The following SCAF11 variants were observed in gnomAD, a reference collection of about 807,000 sequenced individuals.
SCAF11 encodes the protein SR-related CTD associated factor 11.
A neutral mutation model predicts 140.5 loss-of-function variants in SCAF11; 47 were observed. The ratio of observed to expected loss-of-function variants is 0.33; its 90% CI spans 0.26 to 0.43. SCAF11 has a LOEUF of 0.43. SCAF11 is among the 20% of genes least tolerant of loss of function. SCAF11 has a pLI of 1.00. For synonymous variants in SCAF11, 557 were observed against 579.4 expected (o/e 0.96, Z 0.55); for missense variants, 1,645 against 1,705.1 (o/e 0.96, Z 0.62).
At chr12:45,940,669 A>G (rs1945274444) in intron 6 of SCAF11, among the ~76,000 whole-genome samples, 1 of 152,240 alleles carries the variant, frequency 6.6e-6, no homozygotes, top group Non-Finnish European at 1.5e-5. Context: ...CTAACAGATT[A>G]CTTGGCTTCC....
intron 12 of SCAF11, among the ~76,000 whole-genome samples, chr12:45,923,416 CAAG>C (rs1944763727): frequency 6.6e-6 from 1 of 151,988 alleles, no homozygotes; most frequent in Non-Finnish European, 1.5e-5. Flanking sequence ...ATACTAAACA[CAAG>C]GAGGAGAATA....
At chr12:45,978,699 A>G (rs1380576890) in intron 1 of SCAF11, among the ~76,000 whole-genome samples, 1 of 152,112 alleles carries the variant, frequency 6.6e-6, no homozygotes, top group Non-Finnish European at 1.5e-5. Flanking sequence ...AAACAGGAAA[A>G]CTGTCAACTA....
intron 1 of SCAF11, among the ~76,000 whole-genome samples, chr12:45,987,836 G>A (rs1474187924): frequency 1.3e-5 from 2 of 152,190 alleles, no homozygotes; most frequent in African/African-American, 2.4e-5. Context: ...GTTAAAGACT[G>A]TAGATCAGCA....
At chr12:45,949,138 AACCAGTTAAGG>A (rs1304155366) in intron 4 of SCAF11, among the ~76,000 whole-genome samples, 1 of 152,186 alleles carries the variant, frequency 6.6e-6, no homozygotes, top group Non-Finnish European at 1.5e-5. Context: ...ATGGGGAATC[AACCAGTTAAGG>A]AGAGACTATA....
At chr12:45,978,967 G>C (rs1030669920) in intron 1 of SCAF11, among the ~76,000 whole-genome samples, 1 of 151,884 alleles carries the variant, frequency 6.6e-6, no homozygotes, top group Non-Finnish European at 1.5e-5. Flanking sequence ...TCACACAGTT[G>C]TGGAGGCTAA....
At chr12:45,958,008 TC>T (rs977641783) in intron 3 of SCAF11, among the ~76,000 whole-genome samples, 3 of 150,504 alleles carry the variant, frequency 2.0e-5, no homozygotes, top group Non-Finnish European at 4.4e-5. Context: ...TCCTCCAACC[TC>T]CCCCCATCAG....
At chr12:45,973,025 TATAG>T (rs1264718985) in intron 1 of SCAF11, among the ~76,000 whole-genome samples, 13 of 146,336 alleles carry the variant, frequency 8.9e-5, no homozygotes, top group African/African-American at 3.0e-4. Context: ...TATATAGATA[TATAG>T]ATATAGATAT....
chr12:45,990,892 C>T (rs1397695225), upstream of SCAF11, among the ~76,000 whole-genome samples: 1 of 152,248 alleles, frequency 6.6e-6, no homozygotes, highest in Non-Finnish European at 1.5e-5. Context: ...CCGCCCTTCG[C>T]CCACACTGCG....
upstream of SCAF11, among the ~76,000 whole-genome samples, chr12:45,990,889 T>A (rs752319265): frequency 2.6e-5 from 4 of 152,234 alleles, no homozygotes; most frequent in Non-Finnish European, 5.9e-5. Flanking sequence ...GCACCGCCCT[T>A]CGCCCACACT....
At chr12:45,959,693 A>C (rs1474514352) in intron 3 of SCAF11, among the ~76,000 whole-genome samples, 1 of 152,230 alleles carries the variant, frequency 6.6e-6, no homozygotes, top group African/African-American at 2.4e-5. Flanking sequence ...CAGCAATAAA[A>C]GATTCAAACT....
chr12:45,932,209 G>A (rs1945062067), intron 9 of SCAF11, among the ~76,000 whole-genome samples: 1 of 151,986 alleles, frequency 6.6e-6, no homozygotes, highest in African/African-American at 2.4e-5. Flanking sequence ...CCTCGACCTG[G>A]TGATGGCTCT....
intron 1 of SCAF11, among the ~76,000 whole-genome samples, chr12:45,969,559 G>A (rs1000410254): frequency 3.3e-5 from 5 of 152,158 alleles, no homozygotes; most frequent in African/African-American, 1.2e-4. Context: ...ATAAATGGCT[G>A]TTATCAAGAT....
chr12:45,985,376 T>C (rs1198002393), intron 1 of SCAF11, among the ~76,000 whole-genome samples: 1 of 152,162 alleles, frequency 6.6e-6, no homozygotes, highest in African/African-American at 2.4e-5. Context: ...GGCTCTGACA[T>C]CCTGTCCTGG....
intron 1 of SCAF11, among the ~76,000 whole-genome samples, chr12:45,971,136 G>C (rs932954547): frequency 6.6e-6 from 1 of 152,102 alleles, no homozygotes; most frequent in Non-Finnish European, 1.5e-5. Context: ...TCTAAAAAAA[G>C]AATTAATTTT....
intron 14 of SCAF11, 26 bp from the exon 15 acceptor site, chr12:45,922,220 A>G (rs758007686): frequency 6.0e-5 from 95 of 1,582,382 alleles, no homozygotes; most frequent in Non-Finnish European, 8.0e-5. Flanking sequence ...TGGGGGGTAA[A>G]CTTTTTTCAT....
At position 45,948,509 on chromosome 12, in the gene SCAF11, G is replaced by A. The variant is rs368831751; in HGVS notation, c.326C>T (p.Thr109Ile). 49 of 1,610,120 alleles carry A rather than the reference G, an allele frequency of 3.0e-5. No homozygotes were observed. The highest frequency in any genetic ancestry group is 6.7e-5 in the African/African-American group (5 of 74,604). Residue 109 changes from threonine (T) to isoleucine (I), a missense_variant, in exon 5 of 15, where the codon ACA (threonine) becomes ATA (isoleucine). Thr to Ile is a moderately conservative substitution (Grantham distance 89). Coordinates refer to ENST00000369367, the MANE Select transcript of SCAF11 (RefSeq NM_004719.3). ...TGAGTTTTCATTTTTCTTGTCTTTT[G>A]TTTCTCTCAGCTGTTTTTTTACTTG... ...KVQVKKQLRE[T>I]KDKKNENSFE...
At chr12:45,952,274 C>A (rs1453388677) in intron 3 of SCAF11, among the ~76,000 whole-genome samples, 1 of 152,136 alleles carries the variant, frequency 6.6e-6, no homozygotes, top group Non-Finnish European at 1.5e-5. Context: ...TGTGGATATC[C>A]ATTGCATATG....
At chr12:45,956,065 A>C in intron 3 of SCAF11, 1 of 711,250 alleles carries the variant, frequency 1.4e-6, no homozygotes. Flanking sequence ...CAGCTCAGAC[A>C]AACCCACATT....
intron 4 of SCAF11, among the ~76,000 whole-genome samples, chr12:45,950,823 T>C (rs1285804129): frequency 6.6e-6 from 1 of 152,164 alleles, no homozygotes; most frequent in African/African-American, 2.4e-5. Context: ...TCCCCTTTTC[T>C]ACTTACATAG....
Sources: allele counts gnomAD v4.1 joint callset (sites outside exome capture counted in the v4.1 genomes callset), GRCh38; gene constraint gnomAD v4.1.1; transcripts MANE v1.5; gene names NCBI Gene and HGNC (gene_info 2026-07-23, HGNC 2026-07-21).